Variants in ADGRB3 observed in about 807,000 individuals in gnomAD.
ADGRB3 encodes the protein adhesion G protein-coupled receptor B3.
Under a neutral mutation model 193.4 loss-of-function variants are expected in ADGRB3, and 37 were observed. The observed-to-expected ratio is 0.19, with a 90% CI of 0.15 to 0.25. ADGRB3 has a LOEUF of 0.25. ADGRB3 is among the 10% of genes least tolerant of loss of function. The pLI is 1.00. For synonymous variants in ADGRB3, 690 were observed against 644.2 expected (o/e 1.07, Z -1.08); for missense variants, 1,637 against 1,852.9 (o/e 0.88, Z 2.14).
chr6:68,755,937 T>C (rs766428555), intron 3 of ADGRB3, among the ~76,000 whole-genome samples: 84 of 145,524 alleles, frequency 5.8e-4, no homozygotes, highest in Non-Finnish European at 1.1e-3. Context: ...AACAAAATAC[T>C]TTTTTTTCCA....
chr6:68,914,294 A>G (rs1442963521), intron 3 of ADGRB3, among the ~76,000 whole-genome samples: 8 of 151,972 alleles, frequency 5.3e-5, no homozygotes, highest in Non-Finnish European at 1.2e-4. Flanking sequence ...AGCCAGAGAG[A>G]AAGGTCGGGT....
chr6:69,082,084 T>C (rs2150314695), intron 17 of ADGRB3, among the ~76,000 whole-genome samples: 1 of 152,232 alleles, frequency 6.6e-6, no homozygotes, highest in South Asian at 2.1e-4. Flanking sequence ...GTTTATGTAT[T>C]GTCTATTGCT....
At chr6:69,326,560 C>A (rs1318316271) in intron 21 of ADGRB3, among the ~76,000 whole-genome samples, 1 of 152,104 alleles carries the variant, frequency 6.6e-6, no homozygotes, top group Non-Finnish European at 1.5e-5. Context: ...AAAACCTGAA[C>A]TGATGGTGCT....
At chr6:69,063,992 AT>A (rs1288979581) in intron 16 of ADGRB3, among the ~76,000 whole-genome samples, 4 of 151,932 alleles carry the variant, frequency 2.6e-5, no homozygotes, top group African/African-American at 9.7e-5. Flanking sequence ...TGAAAAAAAA[AT>A]AAAGGAAAAA....
chr6:69,360,769 A>G (rs932356800), intron 28 of ADGRB3, 100 bp from the exon 29 acceptor site: 62 of 1,219,404 alleles, frequency 5.1e-5, no homozygotes, highest in Non-Finnish European at 6.6e-5. Context: ...ACCAAATAAT[A>G]TATCTTTAAT....
chr6:68,889,610 C>T (rs1420975466), intron 3 of ADGRB3, among the ~76,000 whole-genome samples: 1 of 151,742 alleles, frequency 6.6e-6, no homozygotes, highest in Admixed American at 6.6e-5. Context: ...TCACACCATT[C>T]TCCTGTGTCA....
intron 22 of ADGRB3, 95 bp from the exon 23 acceptor site, chr6:69,330,411 A>T: frequency 1.1e-6 from 1 of 891,842 alleles, no homozygotes; most frequent in Non-Finnish European, 1.6e-6. Flanking sequence ...CAAAATTCCA[A>T]GGCAAAATGT....
intron 17 of ADGRB3, among the ~76,000 whole-genome samples, chr6:69,098,521 G>A (rs1772948232): frequency 6.6e-6 from 1 of 152,092 alleles, no homozygotes; most frequent in Non-Finnish European, 1.5e-5. Flanking sequence ...TGCATGAATG[G>A]GAGACCTCAT....
At chr6:69,305,518 A>G (rs558065724) in intron 20 of ADGRB3, among the ~76,000 whole-genome samples, 1 of 151,564 alleles carries the variant, frequency 6.6e-6, no homozygotes, top group Admixed American at 6.6e-5. Context: ...TAGGATTAAG[A>G]TTAGATTTAT....
intron 3 of ADGRB3, among the ~76,000 whole-genome samples, chr6:68,715,260 T>C (rs914044617): frequency 1.3e-5 from 2 of 151,660 alleles, no homozygotes; most frequent in Non-Finnish European, 3.0e-5. Context: ...CTCTCGGTAG[T>C]AGCCCTCCAG....
chr6:68,787,911 A>G (rs992320203), intron 3 of ADGRB3, among the ~76,000 whole-genome samples: 5 of 152,212 alleles, frequency 3.3e-5, no homozygotes, highest in Middle Eastern at 3.4e-3. Flanking sequence ...GAATTTATCC[A>G]TTTCCTCTAG....
intron 3 of ADGRB3, among the ~76,000 whole-genome samples, chr6:68,930,154 C>G (rs1767299267): frequency 6.6e-6 from 1 of 151,310 alleles, no homozygotes. Context: ...AACAAGAAAA[C>G]TGCTGACAAA....
intron 3 of ADGRB3, among the ~76,000 whole-genome samples, chr6:68,796,490 GCCAC>G (rs1767211029): frequency 6.6e-6 from 1 of 152,054 alleles, no homozygotes; most frequent in Non-Finnish European, 1.5e-5. Flanking sequence ...TAGTCATTCT[GCCAC>G]CAGTCTTTCG....
chr6:69,354,783 C>G (rs941933104), intron 27 of ADGRB3, among the ~76,000 whole-genome samples: 1 of 152,148 alleles, frequency 6.6e-6, no homozygotes, highest in Non-Finnish European at 1.5e-5. Context: ...TTCCAGTATG[C>G]AGCCTAAGAT....
intron 11 of ADGRB3, among the ~76,000 whole-genome samples, chr6:69,004,218 C>T (rs1027855346): frequency 1.3e-5 from 2 of 152,134 alleles, no homozygotes; most frequent in Non-Finnish European, 2.9e-5. Flanking sequence ...AAACAACAAA[C>T]ATTTATTTTC....
At chr6:68,695,164 T>C (rs1013530994) in intron 3 of ADGRB3, among the ~76,000 whole-genome samples, 1 of 152,010 alleles carries the variant, frequency 6.6e-6, no homozygotes, top group Admixed American at 6.6e-5. Context: ...GGCTGCAGTA[T>C]GAGATAGCAC....
At chr6:68,726,508 C>A (rs754687874) in intron 3 of ADGRB3, among the ~76,000 whole-genome samples, 22 of 151,546 alleles carry the variant, frequency 1.5e-4, no homozygotes, top group Non-Finnish European at 2.7e-4. Context: ...TGGTTTGCTG[C>A]CATCTGTCTT....
intron 3 of ADGRB3, among the ~76,000 whole-genome samples, chr6:68,777,906 A>G (rs1231356112): frequency 6.6e-6 from 1 of 152,036 alleles, no homozygotes; most frequent in East Asian, 1.9e-4. Flanking sequence ...TGGAAAATGC[A>G]ATCTTGCTAA....
chr6:68,873,635 G>C (rs1765516918), intron 3 of ADGRB3, among the ~76,000 whole-genome samples: 1 of 152,044 alleles, frequency 6.6e-6, no homozygotes, highest in African/African-American at 2.4e-5. Context: ...ATGATATAAA[G>C]TAATAATATG....
Sources: gnomAD v4.1 joint callset for allele counts (sites outside exome capture counted in the v4.1 genomes callset) on GRCh38, gnomAD v4.1.1 for gene constraint, MANE v1.5 for transcripts, NCBI Gene and HGNC (gene_info 2026-07-23, HGNC 2026-07-21) for gene names.